Variants in DOCK4 observed in about 807,000 individuals in gnomAD.
DOCK4 encodes the protein dedicator of cytokinesis protein 4.
In DOCK4, 97 loss-of-function variants were observed where a neutral mutation model predicts 268.1. The ratio of observed to expected loss-of-function variants is 0.36; its 90% CI spans 0.31 to 0.43. The LOEUF (loss-of-function observed/expected upper bound fraction) is 0.43. Ranked by LOEUF, DOCK4 falls within the 20% of genes least tolerant of loss-of-function variation. The probability of loss-of-function intolerance (pLI) is 1.00; values close to 1 mark genes in which losing one functional copy is unlikely to be tolerated. For synonymous variants in DOCK4, 954 were observed against 887.2 expected (o/e 1.08, Z -1.34); for missense variants, 2,145 against 2,455.7 (o/e 0.87, Z 2.67).
At chr7:111,764,239 G>T (rs548376750) in intron 39 of DOCK4, among the ~76,000 whole-genome samples, 2 of 152,248 alleles carry the variant, frequency 1.3e-5, no homozygotes, top group African/African-American at 4.8e-5. Context: ...TTTTCATTCT[G>T]AAAGGCAGAT....
chr7:111,848,422 GAAC>G (rs1660785679), intron 23 of DOCK4, among the ~76,000 whole-genome samples: 1 of 152,128 alleles, frequency 6.6e-6, no homozygotes, highest in African/African-American at 2.4e-5. Context: ...CTTAACTTTT[GAAC>G]AACAGGTCTT....
chr7:111,734,112 AT>A lies in DOCK4; in HGVS notation c.5419+941del, dbSNP rs201143188. Among the ~76,000 whole-genome samples the A allele has an allele frequency of 3.3e-5, 5 of 150,468 alleles. No individual in the cohort carries two copies. In the East Asian group the frequency reaches 5.9e-4, roughly 18 times the overall value. On this transcript the variant is annotated intron_variant, in intron 51 of 52. Transcript: ENST00000428084. ...GCCACCATGCCTGGCTAATTTTTGC[AT>A]TTTTTTTTGTAGAGATGGGGTTTTG...
At chr7:112,199,036 G>T (rs1820703183) in intron 1 of DOCK4, among the ~76,000 whole-genome samples, 2 of 152,150 alleles carry the variant, frequency 1.3e-5, no homozygotes, top group Non-Finnish European at 2.9e-5. Flanking sequence ...ACTTTAAGGG[G>T]TGGGATTACT....
intron 1 of DOCK4, among the ~76,000 whole-genome samples, chr7:112,157,440 A>T (rs988561057): frequency 1.3e-5 from 2 of 152,042 alleles, no homozygotes; most frequent in African/African-American, 4.8e-5. Flanking sequence ...AGAAAGCACC[A>T]CTCTATAGCA....
At chr7:112,173,672 C>A (rs1818264707) in intron 1 of DOCK4, among the ~76,000 whole-genome samples, 1 of 152,172 alleles carries the variant, frequency 6.6e-6, no homozygotes, top group Non-Finnish European at 1.5e-5. Context: ...AGCATGAAGA[C>A]CTGCAGGAGG....
intron 1 of DOCK4, among the ~76,000 whole-genome samples, chr7:112,051,151 C>A (rs919319916): frequency 2.6e-5 from 4 of 152,130 alleles, no homozygotes; most frequent in African/African-American, 9.6e-5. Context: ...CTAAAAAATA[C>A]TGTGTTACTT....
At chr7:111,741,763 A>G in intron 45 of DOCK4, 102 bp from the exon 46 acceptor site, 1 of 1,421,386 alleles carries the variant, frequency 7.0e-7, no homozygotes, top group Non-Finnish European at 9.4e-7. Context: ...ATTGCCATCA[A>G]GTCTTCACAT....
chr7:112,197,970 GA>G (rs10525534), intron 1 of DOCK4, among the ~76,000 whole-genome samples: 6,267 of 111,030 alleles, frequency 0.056, 229 homozygotes, highest in African/African-American at 0.15. Context: ...GACCTGCCTA[GA>G]AAAAAAAAAA....
chr7:111,940,079 C>A (rs769338792), intron 11 of DOCK4, 31 bp downstream of exon 11: 2 of 1,612,848 alleles, frequency 1.2e-6, no homozygotes, highest in Non-Finnish European at 1.7e-6. Flanking sequence ...CCTGTGCCTA[C>A]CCCAGCCATC....
chr7:112,032,211 T>C (rs1327971538), intron 1 of DOCK4, among the ~76,000 whole-genome samples: 2 of 152,190 alleles, frequency 1.3e-5, no homozygotes, highest in Non-Finnish European at 2.9e-5. Flanking sequence ...CAACCTCAAC[T>C]GCGTTAACAT....
chr7:111,730,669 T>C (rs992963051), intron 52 of DOCK4, among the ~76,000 whole-genome samples: 1 of 151,956 alleles, frequency 6.6e-6, no homozygotes, highest in African/African-American at 2.4e-5. Context: ...TAAACTCTTA[T>C]CAGTTAAGGC....
chr7:112,044,604 G>A (rs1586708401), intron 1 of DOCK4, among the ~76,000 whole-genome samples: 2 of 152,144 alleles, frequency 1.3e-5, no homozygotes, highest in East Asian at 3.9e-4. Context: ...AACATAGCAG[G>A]TCTAAAATCA....
chr7:111,895,355 G>T (rs1191437131), intron 16 of DOCK4, among the ~76,000 whole-genome samples: 1 of 152,132 alleles, frequency 6.6e-6, no homozygotes, highest in African/African-American at 2.4e-5. Context: ...GCAATGGAAA[G>T]AACTTTAAGA....
intron 1 of DOCK4, among the ~76,000 whole-genome samples, chr7:112,016,188 C>A (rs915475168): frequency 1.3e-5 from 2 of 152,344 alleles, no homozygotes; most frequent in Middle Eastern, 3.4e-3. Context: ...TTTTCTTAGT[C>A]TCTTCCCATA....
At chr7:111,940,291 T>C (rs919027571) in intron 10 of DOCK4, 49 bp from the exon 11 acceptor site, 2 of 1,612,476 alleles carry the variant, frequency 1.2e-6, no homozygotes, top group African/African-American at 1.3e-5. Context: ...TTTGATTAGA[T>C]GCATCTTAGG....
chr7:112,190,133 C>T (rs145295386), intron 1 of DOCK4, among the ~76,000 whole-genome samples: 48 of 152,262 alleles, frequency 3.2e-4, no homozygotes, highest in East Asian at 2.9e-3. Context: ...AACTACAACA[C>T]GCTGAGCTTT....
intron 1 of DOCK4, among the ~76,000 whole-genome samples, chr7:112,169,829 T>G (rs1426581623): frequency 6.6e-6 from 1 of 152,168 alleles, no homozygotes; most frequent in Non-Finnish European, 1.5e-5. Context: ...CAGTCCAAAT[T>G]CAGGGAGCTG....
At chr7:112,201,460 C>A (rs1472812212) in intron 1 of DOCK4, among the ~76,000 whole-genome samples, 2 of 152,160 alleles carry the variant, frequency 1.3e-5, no homozygotes, top group African/African-American at 2.4e-5. Context: ...CCCGTGTTCT[C>A]CTGTCAAGCT....
chr7:111,953,273 C>T (rs539335774), intron 8 of DOCK4, among the ~76,000 whole-genome samples: 2 of 151,784 alleles, frequency 1.3e-5, no homozygotes, highest in South Asian at 2.1e-4. Flanking sequence ...ACCCATTCTA[C>T]ACTGAGTAGG....
Sources: allele counts gnomAD v4.1 joint callset (sites outside exome capture counted in the v4.1 genomes callset), GRCh38; gene constraint gnomAD v4.1.1; transcripts MANE v1.5; gene names NCBI Gene and HGNC (gene_info 2026-07-23, HGNC 2026-07-21).